Variants in PATL1 observed in about 807,000 individuals in gnomAD.
PATL1 encodes the protein PAT1 homolog 1, processing body mRNA decay factor, also known as protein PAT1 homolog 1.
PATL1 carries 32 observed loss-of-function variants against 100.6 expected under a neutral mutation model. That is an observed-to-expected ratio of 0.32 (90% CI 0.24 to 0.43). PATL1 has a LOEUF of 0.43. Ranked by LOEUF, PATL1 falls within the 20% of genes least tolerant of loss-of-function variation. PATL1 has a pLI of 1.00. For missense variants in PATL1, 747 were observed against 949.9 expected (o/e 0.79, Z 2.81); for synonymous variants, 332 against 330.0 (o/e 1.01, Z -0.07).
At chr11:59,665,802 T>C (rs991660867) in intron 2 of PATL1, among the ~76,000 whole-genome samples, 10 of 151,970 alleles carry the variant, frequency 6.6e-5, no homozygotes, top group Admixed American at 5.2e-4. Context: ...AATATATGTG[T>C]ATGTATACAG....
chr11:59,646,042 G>C (rs1669995923), intron 15 of PATL1, among the ~76,000 whole-genome samples: 1 of 152,140 alleles, frequency 6.6e-6, no homozygotes, highest in African/African-American at 2.4e-5. Context: ...TTAGCACCTA[G>C]AACTAGGTGT....
At chr11:59,647,031 G>A (rs1288914068) in intron 15 of PATL1, among the ~76,000 whole-genome samples, 1 of 151,920 alleles carries the variant, frequency 6.6e-6, no homozygotes, top group Non-Finnish European at 1.5e-5. Context: ...ACCAGCCTGG[G>A]CAATGTGGCA....
intron 4 of PATL1, among the ~76,000 whole-genome samples, chr11:59,658,222 T>A (rs1206105915): frequency 7.3e-5 from 11 of 151,418 alleles, no homozygotes; most frequent in Non-Finnish European, 1.6e-4. Context: ...CCCCAGAAAT[T>A]CCATTGTATT....
chr11:59,648,914 T>C (rs143298829), intron 14 of PATL1, among the ~76,000 whole-genome samples: 131 of 152,354 alleles, frequency 8.6e-4, no homozygotes, highest in African/African-American at 3.0e-3. Context: ...TTAGAAGTTG[T>C]AGTTCTCTTG....
chr11:59,666,804 A>T (rs994997273), intron 2 of PATL1, 49 bp downstream of exon 2: 1 of 1,522,656 alleles, frequency 6.6e-7, no homozygotes, highest in Non-Finnish European at 8.8e-7. Flanking sequence ...ACAGCACTTG[A>T]AAAGAGCAGG....
chr11:59,656,738 G>C, intron 5 of PATL1, 138 bp from the exon 6 acceptor site: 1 of 715,942 alleles, frequency 1.4e-6, no homozygotes, highest in Non-Finnish European at 2.3e-6. Flanking sequence ...ATGGCTACAG[G>C]TTCAAATACA....
intron 4 of PATL1, among the ~76,000 whole-genome samples, chr11:59,658,525 G>A (rs931982587): frequency 2.6e-5 from 4 of 152,010 alleles, no homozygotes; most frequent in African/African-American, 9.7e-5. Flanking sequence ...GTTTCACCAT[G>A]TTGGCCAGGC....
At chr11:59,649,812 T>C (rs1214825411) in intron 13 of PATL1, among the ~76,000 whole-genome samples, 1 of 152,134 alleles carries the variant, frequency 6.6e-6, no homozygotes. Flanking sequence ...CTCTGACTTC[T>C]ATTCTAGCAG....
At chr11:59,659,087 T>C (rs1445288320) in intron 3 of PATL1, 141 bp from the exon 4 acceptor site, 1 of 1,002,638 alleles carries the variant, frequency 1.0e-6, no homozygotes, top group African/African-American at 1.7e-5. Context: ...TATACATTAT[T>C]CCCCAAGTTT....
At chr11:59,659,103 T>C in intron 3 of PATL1, 149 bp downstream of exon 3, 1 of 969,564 alleles carries the variant, frequency 1.0e-6, no homozygotes, top group Non-Finnish European at 1.5e-6. Flanking sequence ...AGTTTATCTC[T>C]AGAACTTCTA....
rs1172333297 is a variant in PATL1 at position 59,636,877 on chromosome 11, TAGGAA to T, written c.*1508_*1512del. ...CACTTGATTGGTTGTGAAGGGAAGG[TAGGAA>T]AGGCATGTAGTGGAAATGGTCAGTA... On this transcript the variant is annotated 3_prime_UTR_variant, in exon 19 of 19. Transcript: ENST00000300146. 2 of 152,176 alleles carry T rather than the reference TAGGAA, an allele frequency of 1.3e-5. No homozygotes were observed. Among genetic ancestry groups the T allele is most frequent in the African/African-American group, 4.8e-5 (2 of 41,254 alleles). The allele number at this position is 152,176 out of a possible 1,614,324, so 9.4% of individuals were successfully genotyped here. A position where few individuals can be genotyped will look rare whatever the true frequency, so the allele number is the denominator to read the frequency against.
intron 8 of PATL1, 24 bp from the exon 9 acceptor site, chr11:59,654,096 CT>C: frequency 6.3e-7 from 1 of 1,582,510 alleles, no homozygotes; most frequent in Admixed American, 1.7e-5. Context: ...AAAAGAGGTT[CT>C]CAGTTTGGTC....
In PATL1 at chr11:59,653,125, G is replaced by A. The variant is rs1037676448; in HGVS notation, c.1122-107C>T. 1.8e-4 allele frequency: 178 copies of A among 970,274 alleles called. No homozygotes were observed. The South Asian group carries it at 2.7e-3, about 15-fold the overall frequency. 60.1% of individuals were successfully genotyped at this position (970,274 alleles called of 1,614,324 possible). On this transcript the variant is annotated intron_variant, in intron 9 of 18. Coordinates refer to ENST00000300146, the MANE Select transcript of PATL1 (RefSeq NM_152716.3). The stretch of plus-strand genomic sequence containing the variant: ...TTTTTTTTTTTTTTTAAAGATTCCC[G>A]TTTGCTTTTCTTAAAAGGGGAGTGA...
intron 16 of PATL1, among the ~76,000 whole-genome samples, chr11:59,641,736 G>T (rs1461896129): frequency 6.6e-6 from 1 of 151,988 alleles, no homozygotes; most frequent in African/African-American, 2.4e-5. Flanking sequence ...CTGGGTGACA[G>T]AGAAGACCCT....
intron 15 of PATL1, among the ~76,000 whole-genome samples, chr11:59,643,351 C>T (rs1483590797): frequency 2.0e-5 from 3 of 151,900 alleles, no homozygotes; most frequent in African/African-American, 7.3e-5. Flanking sequence ...TTACACTACA[C>T]CATGGGCTAA....
rs534144928 is a variant in PATL1, at chr11:59,649,406, G to A, written c.1733+56C>T. On this transcript the variant is annotated intron_variant, in intron 14 of 18. Coordinates refer to ENST00000300146, the MANE Select transcript of PATL1 (RefSeq NM_152716.3). ...AAAAGGCAAAAATGTATGAAATCCA[G>A]TTATGACAGAGGAAGGAGTCCAGTT... The A allele has an allele frequency of 3.2e-5, 50 of 1,583,922 alleles. No individual in the cohort carries two copies. In the African/African-American group the frequency reaches 5.6e-4, roughly 18 times the overall value.
intron 1 of PATL1, 42 bp from the exon 2 acceptor site, chr11:59,667,006 A>C: frequency 6.6e-7 from 1 of 1,521,962 alleles, no homozygotes; most frequent in Non-Finnish European, 8.8e-7. Flanking sequence ...TGAAATTCAC[A>C]CCCTCATTTT....
At chr11:59,648,185 CTTTTTTTTTT>C (rs887689437) in intron 14 of PATL1, among the ~76,000 whole-genome samples, 1 of 130,468 alleles carries the variant, frequency 7.7e-6, no homozygotes, top group East Asian at 2.1e-4. Flanking sequence ...AACTTTTTTT[CTTTTTTTTTT>C]TTTTTTTTGA....
chr11:59,643,408 C>T (rs1046355741), intron 15 of PATL1, among the ~76,000 whole-genome samples: 9 of 151,682 alleles, frequency 5.9e-5, no homozygotes, highest in South Asian at 4.2e-4. Context: ...TAAAGTATAG[C>T]GGAGAAGATA....
Sources: allele counts gnomAD v4.1 joint callset (sites outside exome capture counted in the v4.1 genomes callset), GRCh38; gene constraint gnomAD v4.1.1; transcripts MANE v1.5; gene names NCBI Gene and HGNC (gene_info 2026-07-23, HGNC 2026-07-21).